KNDC1: variants seen among roughly 807,000 people sequenced by gnomAD.
KNDC1 encodes the protein kinase non-catalytic C-lobe domain containing 1, also known as kinase non-catalytic C-lobe domain-containing protein 1.
Under a neutral mutation model 172.8 loss-of-function variants are expected in KNDC1, and 106 were observed. The ratio of observed to expected loss-of-function variants is 0.61; its 90% confidence interval spans 0.52 to 0.72. The LOEUF is 0.72. Among genes scored for constraint, KNDC1 ranks in the 30% least tolerant of loss-of-function variants. The pLI is 0.00. For synonymous variants in KNDC1, 1,083 were observed against 1,062.2 expected, an observed-to-expected ratio of 1.02 and a Z score of -0.38; for missense variants, 2,325 against 2,394.5, an observed-to-expected ratio of 0.97 and a Z score of 0.61.
chr10:133,210,580 C>T (rs1238791159), intron 20 of KNDC1, 31 bp from the exon 21 acceptor site: 3 of 1,400,216 alleles, frequency 2.1e-6, no homozygotes, highest in Non-Finnish European at 2.0e-6. Context: ...GGCCACCCCA[C>T]CACCTCACCG....
Position 133,200,372 on chromosome 10 carries a change from C to A in KNDC1, c.2904-3C>A. 1 of 1,584,734 alleles carries A rather than the reference C, an allele frequency of 6.3e-7. No individual in the cohort carries two copies. The highest frequency in any genetic ancestry group is 8.6e-7 in the Non-Finnish European group (1 of 1,166,636). ...GGGGACTGACCTGCATTCTCGTCGT[C>A]AGCACGGCCGAGGAGGCTGGGTCAC... On this transcript the variant is annotated splice_region_variant and splice_polypyrimidine_tract_variant and intron_variant, in intron 15 of 29. Transcript: ENST00000304613.
At chr10:133,203,988 A>G (rs1361856953) in intron 17 of KNDC1, among the ~76,000 whole-genome samples, 2 of 152,202 alleles carry the variant, frequency 1.3e-5, no homozygotes, top group African/African-American at 4.8e-5. Context: ...AGGTTCCTGG[A>G]TGCGTCAGGG....
Position 133,220,091 on chromosome 10 carries a change from C to T in KNDC1, c.4997C>T (p.Ala1666Val). 1.3e-6 allele frequency: 2 copies of T among 1,566,804 alleles called. No homozygotes were observed. The highest frequency in any genetic ancestry group is 1.2e-5 in the South Asian group (1 of 85,228). ...GGCGGCTTCACCATGACCAACGGGG[C>T]CCACAGGTGGAGCAAGCTCAGGTGA... The part of the protein sequence containing the change: ...ETGGFTMTNG[A>V]HRWSKLRNIA... Residue 1666 changes from alanine to valine, a missense_variant, in exon 29 of 30, where the codon GCC becomes GTC. Transcript: ENST00000304613.
rs149053920 is a variant in KNDC1, at chr10:133,224,843, C to T, written c.5203C>T (p.Arg1735Trp). 1.4e-5 allele frequency: 23 copies of T among 1,614,034 alleles called. No homozygotes were observed. Among genetic ancestry groups the T allele is most frequent in the South Asian group, 3.3e-5 (3 of 91,090 alleles). The change falls in exon 30 of 30, where the codon CGG (arginine) becomes TGG (tryptophan). Residue 1735 changes from arginine (R) to tryptophan (W), a missense_variant. By Grantham distance (101) the Arg-to-Trp change is moderately radical. Coordinates refer to ENST00000304613, the MANE Select transcript of KNDC1 (RefSeq NM_152643.8). The surrounding 1 kb of genome is among the most constrained non-coding windows in gnomAD (Gnocchi z 5.4). ...CCAGGTCTCCAGCGAGAAGCACTCA[C>T]GGAAGATTCAGGACAAGCTACGGAG... ...FHQVSSEKHSRKIQDKLRRMK... is the reference protein window; with the variant it reads ...FHQVSSEKHSWKIQDKLRRMK...
At chr10:133,182,114 G>A (rs1853734922) in intron 3 of KNDC1, among the ~76,000 whole-genome samples, 1 of 152,186 alleles carries the variant, frequency 6.6e-6, no homozygotes, top group Non-Finnish European at 1.5e-5. Flanking sequence ...GACCCTGACA[G>A]AGAGGGGGAG....
chr10:133,224,480 A>C lies in KNDC1; in HGVS notation c.5019-179A>C, dbSNP rs945572440. On this transcript the variant is annotated intron_variant, in intron 29 of 29. Coordinates refer to ENST00000304613, the MANE Select transcript of KNDC1 (RefSeq NM_152643.8). This position sits in a 1 kb window ranked among gnomAD's most constrained non-coding sequence, Gnocchi z 5.4. ...GATGGATGGACAGTCAGACAGACGGAAAGGTCTGAGTAGTGACCTTTCCAC... is the reference window on the plus strand; with the variant it reads ...GATGGATGGACAGTCAGACAGACGGCAAGGTCTGAGTAGTGACCTTTCCAC... 1.3e-5 allele frequency among the ~76,000 whole-genome samples: 2 copies of C among 152,156 alleles called. No homozygotes were observed. The highest frequency in any genetic ancestry group is 2.9e-5 in the Non-Finnish European group (2 of 68,018).
intron 9 of KNDC1, among the ~76,000 whole-genome samples, chr10:133,192,372 CAG>C (rs1854088650): frequency 6.6e-6 from 1 of 152,148 alleles, no homozygotes; most frequent in Non-Finnish European, 1.5e-5. Flanking sequence ...TGATCTTTGA[CAG>C]AGCTGACAAA....
chr10:133,200,076 C>T (rs1854316998), intron 15 of KNDC1, among the ~76,000 whole-genome samples: 1 of 152,124 alleles, frequency 6.6e-6, no homozygotes, highest in Non-Finnish European at 1.5e-5. Flanking sequence ...GCCCGGGCAG[C>T]TCCTCCGCGT....
chr10:133,183,305 C>G (rs1168114058), intron 3 of KNDC1, 39 bp from the exon 4 acceptor site: 2 of 1,554,280 alleles, frequency 1.3e-6, no homozygotes, highest in South Asian at 1.2e-5. Context: ...GTGGCGCACA[C>G]GCAGAGACTC....
intron 24 of KNDC1, 52 bp from the exon 25 acceptor site, chr10:133,213,593 C>A: frequency 6.5e-7 from 1 of 1,532,754 alleles, no homozygotes; most frequent in Non-Finnish European, 9.0e-7. Flanking sequence ...GCCTTGGACA[C>A]AAGGCCCTAA....
Position 133,198,409 on chromosome 10 carries a change from G to A in KNDC1, c.1979G>A (p.Gly660Asp), listed in dbSNP as rs767222564. The change falls in exon 13 of 30, where the codon GGT becomes GAT. Residue 660 changes from glycine (G) to aspartate (D), a missense_variant. By Grantham distance (94) the Gly-to-Asp change is moderately conservative. Coordinates refer to ENST00000304613, the MANE Select transcript of KNDC1 (RefSeq NM_152643.8). ...PGPVPGQHPCGEEATQLPAAF... is the reference protein window; with the variant it reads ...PGPVPGQHPCDEEATQLPAAF... ...CCCGTGCCCGGCCAGCACCCCTGCG[G>A]TGAAGAAGCCACCCAGCTGCCTGCA... is the stretch of plus-strand genomic sequence containing the variant. 2 of 1,601,560 alleles carry A rather than the reference G, an allele frequency of 1.2e-6. No homozygotes were observed. Among genetic ancestry groups the A allele is most frequent in the Admixed American group, 3.4e-5 (2 of 58,718 alleles).
intron 20 of KNDC1, among the ~76,000 whole-genome samples, chr10:133,210,336 A>AGCCTGGGCGACAAG (rs1427229822): frequency 7.9e-6 from 1 of 125,850 alleles, no homozygotes; most frequent in Non-Finnish European, 1.6e-5. Flanking sequence ...ATTGCACTCC[A>AGCCTGGGCGACAAG]GCCTGGGCGA....
intron 5 of KNDC1, 21 bp downstream of exon 5, chr10:133,184,010 A>G (rs67800134): frequency 0.47 from 672,667 of 1,429,764 alleles, 165,487 homozygotes; most frequent in South Asian, 0.63. Context: ...GAACCCACAC[A>G]CGTGCATCCT....
intron 29 of KNDC1, among the ~76,000 whole-genome samples, chr10:133,220,319 A>G (rs1412879678): frequency 3.3e-5 from 2 of 61,330 alleles, no homozygotes; most frequent in Admixed American, 1.4e-4. Context: ...GGAGGGGCTC[A>G]GGCGGGCGCG....
chr10:133,185,907 AGGGGCG>A, intron 5 of KNDC1, 61 bp from the exon 6 acceptor site: 3 of 603,300 alleles, frequency 5.0e-6, no homozygotes, highest in Non-Finnish European at 7.2e-6. Context: ...AGGAGAGGGG[AGGGGCG>A]GGAGGAGAGG....
At chr10:133,210,351 A>G (rs1434682198) in intron 20 of KNDC1, among the ~76,000 whole-genome samples, 2 of 127,610 alleles carry the variant, frequency 1.6e-5, no homozygotes, top group African/African-American at 5.9e-5. Flanking sequence ...GGGCGACAAG[A>G]GCGAAACTCT....
rs754396855 is a variant in KNDC1, at chr10:133,201,691, C to G, written c.3180C>G (p.Ala1060=). 4 of 1,611,988 alleles carry G rather than the reference C, an allele frequency of 2.5e-6. No homozygotes were observed. In the African/African-American group the frequency reaches 4.0e-5, roughly 16 times the overall value. Residue 1060 remains alanine, a synonymous_variant, in exon 17 of 30, where the codon GCC becomes GCG. Transcript: ENST00000304613. ...AGGACAGACGGCCAGCTGGCGGGGC[C>G]TCAGACGTGGAGGCAGTGACCCGAC... is the stretch of plus-strand genomic sequence containing the variant. The part of the protein sequence containing the change: ...AGEDRRPAGG[A]SDVEAVTRLA...
chr10:133,183,247 T>G (rs1853777840), intron 3 of KNDC1, 97 bp from the exon 4 acceptor site: 1 of 1,380,056 alleles, frequency 7.2e-7, no homozygotes, highest in African/African-American at 1.5e-5. Context: ...ATCTCACGAT[T>G]CCTGAAACTT....
chr10:133,219,948 CCACCAGGTCTTCCT>C lies in KNDC1; in HGVS notation c.4861-6_4868del. ...CTCCCCGGCCCACGCCCCGGCTGGA[CCACCAGGTCTTCCT>C]GAAGAGCGACAGCCTGTGTCTGATG... On this transcript the variant is annotated splice_acceptor_variant and splice_polypyrimidine_tract_variant and coding_sequence_variant and intron_variant, in exon 29 of 30. Transcript: ENST00000304613. LOFTEE classifies it high-confidence loss of function. 6.5e-7 allele frequency: 1 copy of C among 1,548,734 alleles called. No homozygotes were observed. Among genetic ancestry groups the C allele is most frequent in the Non-Finnish European group, 8.7e-7 (1 of 1,145,580 alleles).
Sources: allele counts gnomAD v4.1 joint callset (sites outside exome capture counted in the v4.1 genomes callset), GRCh38; gene constraint gnomAD v4.1.1; non-coding constraint Gnocchi (gnomAD v3.1); transcripts MANE v1.5; gene names NCBI Gene and HGNC (gene_info 2026-07-23, HGNC 2026-07-21).